TRAF2: variants seen among roughly 807,000 people sequenced by gnomAD.
The protein encoded by TRAF2 is TNF receptor-associated factor 2.
Under a neutral mutation model 55.6 loss-of-function variants are expected in TRAF2, and 6 were observed. That is an observed-to-expected ratio of 0.11 (90% confidence interval 0.06 to 0.21). TRAF2 has a LOEUF of 0.21. Ranked by LOEUF, TRAF2 falls within the 10% of genes least tolerant of loss-of-function variation. The probability of loss-of-function intolerance (pLI) is 1.00; values close to 1 mark genes in which losing one functional copy is unlikely to be tolerated. For synonymous variants in TRAF2, 329 were observed against 276.3 expected (o/e 1.19, Z -1.89); for missense variants, 561 against 684.5 (o/e 0.82, Z 2.01).
At chr9:136,898,593 A>G (rs1318164028) in intron 1 of TRAF2, 120 bp from the exon 2 acceptor site, 2 of 1,474,286 alleles carry the variant, frequency 1.4e-6, no homozygotes, top group Non-Finnish European at 1.8e-6. Flanking sequence ...CTGAGTCTTG[A>G]CCGCAGGTCA....
rs1237438898 is a variant in TRAF2 at position 136,920,464 on chromosome 9, C to T, written c.909C>T (p.Cys303=). 6.2e-7 allele frequency: 1 copy of T among 1,613,570 alleles called. No individual in the cohort carries two copies. The highest frequency in any genetic ancestry group is 1.7e-5 in the Admixed American group (1 of 60,014). The part of the protein sequence containing the change: ...VERVAMTAEA[C]SRQHRLDQDK... ...GGGTGGCCATGACTGCCGAGGCCTG[C>T]AGCCGGCAGCACCGGCTGGACCAAG... Residue 303 remains cysteine, a synonymous_variant, in exon 8 of 11, where the codon TGC becomes TGT. Transcript: ENST00000247668.
Position 136,916,418 on chromosome 9 carries a change from T to C in TRAF2, c.604-123T>C. ...ATGGGCTGTTGGGTTTCATTCAGTG[T>C]GAGAGTGAAGAGGCCAACGGGGCAG... On this transcript the variant is annotated intron_variant, in intron 6 of 10. Coordinates refer to ENST00000247668, the MANE Select transcript of TRAF2 (RefSeq NM_021138.4). The C allele has an allele frequency of 4.4e-6, 4 of 905,292 alleles. No homozygotes were observed. In the South Asian group the frequency reaches 5.5e-5, roughly 12 times the overall value. The allele number at this position is 905,292 out of a possible 1,614,324, so 56.1% of individuals were successfully genotyped here.
At chr9:136,924,882 G>GCA (rs1397002212) in intron 10 of TRAF2, among the ~76,000 whole-genome samples, 1 of 152,006 alleles carries the variant, frequency 6.6e-6, no homozygotes, top group Non-Finnish European at 1.5e-5. Context: ...GGGACTACAG[G>GCA]CATGCACCAC....
Position 136,898,904 on chromosome 9 carries a change from C to G in TRAF2, c.164C>G (p.Ser55Cys), listed in dbSNP as rs746610232. Reference protein sequence around the residue: ...FQAQCGHRYCSFCLASILSSG... With the variant: ...FQAQCGHRYCCFCLASILSSG... ...GCGCAGTGTGGCCACCGGTACTGCT[C>G]CTTCTGCCTGGCCAGCATCCTCAGG... is the stretch of plus-strand genomic sequence containing the variant. Residue 55 changes from serine to cysteine, a missense_variant, in exon 2 of 11, where the codon TCC becomes TGC. Around this residue, in one of 2 missense-constraint regions of TRAF2, gnomAD observed 426 missense variants for 476.8 expected, o/e 0.89. Transcript: ENST00000247668. 9.9e-6 allele frequency: 16 copies of G among 1,610,592 alleles called. No individual in the cohort carries two copies. The highest frequency in any genetic ancestry group is 1.7e-5 in the Admixed American group (1 of 59,710).
intron 6 of TRAF2, among the ~76,000 whole-genome samples, chr9:136,913,976 TAGG>T (rs1263972928): frequency 6.6e-6 from 1 of 152,174 alleles, no homozygotes; most frequent in Non-Finnish European, 1.5e-5. Context: ...GCTCGCTGGA[TAGG>T]AGAAGTGGGC....
intron 7 of TRAF2, among the ~76,000 whole-genome samples, chr9:136,916,959 C>T (rs1432089551): frequency 6.6e-6 from 1 of 152,160 alleles, no homozygotes; most frequent in African/African-American, 2.4e-5. Flanking sequence ...GCCGCTGTCT[C>T]CCTGCCCCCA....
chr9:136,903,738 G>C (rs1011293443), intron 4 of TRAF2, among the ~76,000 whole-genome samples: 2 of 152,084 alleles, frequency 1.3e-5, no homozygotes, highest in Non-Finnish European at 2.9e-5. Flanking sequence ...CTGGAGTGCA[G>C]TGGTGCGATC....
chr9:136,886,527 C>T lies in TRAF2; in HGVS notation c.-43C>T. 2 of 987,708 alleles carry T rather than the reference C, an allele frequency of 2.0e-6. No homozygotes were observed. Among genetic ancestry groups the T allele is most frequent in the Non-Finnish European group, 2.4e-6 (2 of 831,750 alleles). The allele number at this position is 987,708 out of a possible 1,614,324, so 61.2% of individuals were successfully genotyped here. A position where few individuals can be genotyped will look rare whatever the true frequency, so the allele number is the denominator to read the frequency against. ...CTGGGCGGGCCCTTAGTTCCGGGCG[C>T]GCTGCGACCGTTGGGTGAGGCGAGC... On this transcript the variant is annotated 5_prime_UTR_variant, in exon 1 of 11. Transcript: ENST00000247668.
chr9:136,923,065 G>A (rs547773915), intron 9 of TRAF2, among the ~76,000 whole-genome samples: 2 of 152,186 alleles, frequency 1.3e-5, no homozygotes, highest in African/African-American at 4.8e-5. Flanking sequence ...TTGGAAAGCA[G>A]CCTCTGCCGG....
At chr9:136,893,772 C>CG (rs1196758500) in intron 1 of TRAF2, among the ~76,000 whole-genome samples, 2 of 151,866 alleles carry the variant, frequency 1.3e-5, no homozygotes, top group Non-Finnish European at 2.9e-5. Context: ...TTTTTCGAGA[C>CG]GGAGTCTCAC....
intron 4 of TRAF2, among the ~76,000 whole-genome samples, chr9:136,901,330 T>C (rs1849815335): frequency 6.6e-6 from 1 of 152,220 alleles, no homozygotes; most frequent in East Asian, 1.9e-4. Context: ...GGAGTAACAC[T>C]GTCCACAGAG....
chr9:136,918,576 G>A (rs776454070), intron 7 of TRAF2, among the ~76,000 whole-genome samples: 4 of 151,626 alleles, frequency 2.6e-5, no homozygotes, highest in Non-Finnish European at 4.4e-5. Context: ...AGGCATGACC[G>A]CGCCTGGCCT....
intron 1 of TRAF2, 61 bp downstream of exon 1, chr9:136,886,602 C>A (rs1849454867): frequency 1.1e-6 from 1 of 941,636 alleles, no homozygotes; most frequent in Non-Finnish European, 1.2e-6. Context: ...GGTGCGGGGT[C>A]GGGCGCGGGG....
At chr9:136,883,045 A>C (rs1489175712), upstream of TRAF2, among the ~76,000 whole-genome samples, 1 of 151,878 alleles carries the variant, frequency 6.6e-6, no homozygotes, top group Admixed American at 6.6e-5. Flanking sequence ...TAATTTTTGT[A>C]TTTTAGTAGA....
In TRAF2 at chr9:136,916,411, T is replaced by C. The variant is rs1850241971; in HGVS notation, c.604-130T>C. ...TTTGGAAATGGGCTGTTGGGTTTCA[T>C]TCAGTGTGAGAGTGAAGAGGCCAAC... On this transcript the variant is annotated intron_variant, in intron 6 of 10. Coordinates refer to ENST00000247668, the MANE Select transcript of TRAF2 (RefSeq NM_021138.4). The C allele has an allele frequency of 3.5e-6, 3 of 846,050 alleles. No individual in the cohort carries two copies. The East Asian group carries it at 7.6e-5, about 21-fold the overall frequency. The allele number at this position is 846,050 out of a possible 1,614,324, so 52.4% of individuals were successfully genotyped here.
intron 2 of TRAF2, among the ~76,000 whole-genome samples, chr9:136,899,372 G>A (rs764099166): frequency 1.3e-5 from 2 of 152,184 alleles, no homozygotes; most frequent in Non-Finnish European, 2.9e-5. Flanking sequence ...TGTCCTTGGC[G>A]GTTCAGGCGT....
At position 136,926,085 on chromosome 9, in the gene TRAF2, G is replaced by C. The variant is rs1168418716; in HGVS notation, c.*184G>C. 1.2e-6 allele frequency: 1 copy of C among 808,460 alleles called. No individual in the cohort carries two copies. The highest frequency in any genetic ancestry group is 2.3e-4 in the Middle Eastern group (1 of 4,358). The allele number at this position is 808,460 out of a possible 1,614,324, so 50.1% of individuals were successfully genotyped here. ...GGAAGGAGCCACCAGCCAGTCCTCA[G>C]ATTTCAGAGACTGCGGAGGGGCTTG... On this transcript the variant is annotated 3_prime_UTR_variant, in exon 11 of 11. Transcript: ENST00000247668.
intron 8 of TRAF2, 67 bp from the exon 9 acceptor site, chr9:136,920,971 T>G (rs1588444217): frequency 6.3e-7 from 1 of 1,579,850 alleles, no homozygotes; most frequent in Non-Finnish European, 8.6e-7. Context: ...GATCGGTGGG[T>G]GTGGGAGGCA....
rs369765173 is a variant in TRAF2, at chr9:136,913,295, A to ATTTTTTTT, written c.604-3231_604-3224dup. ...CATACCATGTTCTTATTATAAAGGA[A>ATTTTTTTT]TTTTTTTTTTTTTTTTTTTTTTGAG... On this transcript the variant is annotated intron_variant, in intron 6 of 10. Coordinates refer to ENST00000247668, the MANE Select transcript of TRAF2 (RefSeq NM_021138.4). Among the ~76,000 whole-genome samples, 132 of 87,088 alleles carry ATTTTTTTT rather than the reference A, an allele frequency of 1.5e-3. 12 individuals carry two copies. The highest frequency in any genetic ancestry group is 4.8e-3 in the African/African-American group (95 of 19,934). The allele number at this position is 87,088 out of a possible 152,430, so 57.1% of individuals were successfully genotyped here.
Sources: allele counts gnomAD v4.1 joint callset (sites outside exome capture counted in the v4.1 genomes callset), GRCh38; gene constraint gnomAD v4.1.1; regional missense constraint gnomAD v4.1.1; transcripts MANE v1.5; gene names NCBI Gene and HGNC (gene_info 2026-07-23, HGNC 2026-07-21).